Variants in LRP11 observed in about 807,000 individuals in gnomAD.
The protein encoded by LRP11 is LDL receptor related protein 11.
LRP11 carries 25 observed loss-of-function variants against 43.1 expected under a neutral mutation model. The ratio of observed to expected loss-of-function variants is 0.58; its 90% confidence interval spans 0.42 to 0.81. The LOEUF is 0.81. Ranked by LOEUF, LRP11 falls within the 30% of genes least tolerant of loss-of-function variation. The pLI is 0.00. For synonymous variants in LRP11, 316 were observed against 299.4 expected (o/e 1.06, Z -0.57); for missense variants, 623 against 665.1 (o/e 0.94, Z 0.70).
chr6:149,857,504 CAAAAA>C (rs78898379), intron 1 of LRP11, among the ~76,000 whole-genome samples: 3 of 120,862 alleles, frequency 2.5e-5, no homozygotes, highest in Admixed American at 8.9e-5. Flanking sequence ...GTCCCTGTGT[CAAAAA>C]AAAAAAAAAA....
chr6:149,826,374 G>C lies in LRP11; in HGVS notation c.1253-15C>G. 6.3e-7 allele frequency: 1 copy of C among 1,580,084 alleles called. No individual in the cohort carries two copies. Among genetic ancestry groups the C allele is most frequent in the South Asian group, 1.1e-5 (1 of 90,278 alleles). ...GGAACTACTATCTGCAGAAAAGAAA[G>C]AGAACATATATTGAAGGTGTATGCA... On this transcript the variant is annotated splice_polypyrimidine_tract_variant and intron_variant, in intron 5 of 6. Transcript: ENST00000239367.
chr6:149,828,359 A>G (rs1386828110), intron 5 of LRP11, among the ~76,000 whole-genome samples: 4 of 152,098 alleles, frequency 2.6e-5, no homozygotes, highest in Non-Finnish European at 5.9e-5. Flanking sequence ...CCAGAGTGCA[A>G]TTTTTGTGGC....
At chr6:149,823,336 A>C (rs986843329) in intron 6 of LRP11, among the ~76,000 whole-genome samples, 3 of 152,186 alleles carry the variant, frequency 2.0e-5, no homozygotes, top group African/African-American at 7.2e-5. Context: ...CACAGTCAGG[A>C]GAATGAGCCA....
At position 149,863,868 on chromosome 6, in the gene LRP11, C is replaced by T. The variant is rs1021058856; in HGVS notation, c.153G>A (p.Gln51=). 6 of 1,505,340 alleles carry T rather than the reference C, an allele frequency of 4.0e-6. No homozygotes were observed. The highest frequency in any genetic ancestry group is 5.3e-6 in the Non-Finnish European group (6 of 1,136,016). The allele number at this position is 1,505,340 out of a possible 1,614,324, so 93.2% of individuals were successfully genotyped here. A position where few individuals can be genotyped will look rare whatever the true frequency, so the allele number is the denominator to read the frequency against. The change falls in exon 1 of 7, where the codon CAG becomes CAA. Residue 51 remains glutamine (Q), a synonymous_variant. Transcript: ENST00000239367. ...PAAPLSELHA[Q]LSGVEQLLEE... is the part of the protein sequence containing the mutation. ...CCAGCAGCTGCTCCACGCCCGACAG[C>T]TGCGCGTGCAGTTCGGACAGCGGCG...
At chr6:149,829,790 T>C (rs1007047216) in intron 5 of LRP11, among the ~76,000 whole-genome samples, 2 of 151,924 alleles carry the variant, frequency 1.3e-5, no homozygotes, top group Non-Finnish European at 2.9e-5. Context: ...AGGAACTCAG[T>C]ACTGGAAACA....
Position 149,843,057 on chromosome 6 carries a change from A to G in LRP11, c.839T>C (p.Val280Ala). Residue 280 changes from valine to alanine, a missense_variant, in exon 3 of 7, where the codon GTG (valine) becomes GCG (alanine). Physicochemically the swap from Val to Ala is moderately conservative, Grantham distance 64. Coordinates refer to ENST00000239367, the MANE Select transcript of LRP11 (RefSeq NM_032832.6). ...QEGTYTFQLT[V>A]TDTAGQRSSD... is the part of the protein sequence containing the mutation. ...GCTTCTCTGCCCGGCAGTGTCCGTC[A>G]CGGTCAGCTGGAAGGTGTAGGTTCC... is the stretch of plus-strand genomic sequence containing the variant. The G allele has an allele frequency of 6.2e-7, 1 of 1,614,204 alleles. No homozygotes were observed. The highest frequency in any genetic ancestry group is 8.5e-7 in the Non-Finnish European group (1 of 1,180,038).
intron 1 of LRP11, among the ~76,000 whole-genome samples, chr6:149,861,762 TC>T (rs1446310940): frequency 6.6e-6 from 1 of 152,208 alleles, no homozygotes; most frequent in Non-Finnish European, 1.5e-5. Context: ...CTCAAGTGAT[TC>T]ACCCGCCTTG....
chr6:149,859,396 A>ATTTTTTTTT (rs1163759560), intron 1 of LRP11, among the ~76,000 whole-genome samples: 4 of 71,490 alleles, frequency 5.6e-5, no homozygotes, highest in African/African-American at 3.3e-4. Flanking sequence ...ATATATATAT[A>ATTTTTTTTT]TTTTTTTTTT....
At chr6:149,862,390 C>T (rs2115429152) in intron 1 of LRP11, among the ~76,000 whole-genome samples, 1 of 152,250 alleles carries the variant, frequency 6.6e-6, no homozygotes, top group South Asian at 2.1e-4. Context: ...CGGAGCCTGA[C>T]CACACGTGGG....
chr6:149,837,483 A>G lies in LRP11; in HGVS notation c.914-20T>C. 2 of 1,607,444 alleles carry G rather than the reference A, an allele frequency of 1.2e-6. No homozygotes were observed. Among genetic ancestry groups the G allele is most frequent in the Non-Finnish European group, 1.7e-6 (2 of 1,175,208 alleles). On this transcript the variant is annotated intron_variant, in intron 3 of 6. Coordinates refer to ENST00000239367, the MANE Select transcript of LRP11 (RefSeq NM_032832.6). The stretch of plus-strand genomic sequence containing the variant: ...AACATCCTATTTGTAAACAAATCTC[A>G]AGTCACACGAGTGCAGAAGTTCAGA...
chr6:149,843,757 C>T (rs925800829), intron 2 of LRP11, among the ~76,000 whole-genome samples: 3 of 152,152 alleles, frequency 2.0e-5, no homozygotes, highest in South Asian at 2.1e-4. Context: ...GCCACAGCCC[C>T]GCTTCCTTCC....
intron 6 of LRP11, 93 bp from the exon 7 acceptor site, chr6:149,820,796 T>C: frequency 1.5e-6 from 1 of 656,492 alleles, no homozygotes; most frequent in Non-Finnish European, 2.8e-6. Context: ...GCATGCACTA[T>C]TTTATTTAAT....
chr6:149,849,996 C>T (rs534067327), intron 2 of LRP11, among the ~76,000 whole-genome samples: 40 of 152,082 alleles, frequency 2.6e-4, no homozygotes, highest in Non-Finnish European at 2.1e-4. Flanking sequence ...TGAGAACAGA[C>T]AGCAAGGGTG....
At chr6:149,834,323 C>T (rs148367171) in intron 5 of LRP11, among the ~76,000 whole-genome samples, 15 of 152,216 alleles carry the variant, frequency 9.9e-5, no homozygotes, top group African/African-American at 2.9e-4. Context: ...CAGTGCTGGA[C>T]AGCACCTTGG....
At position 149,863,798 on chromosome 6, in the gene LRP11, G is replaced by C; in HGVS notation, c.223C>G (p.Leu75Val). The C allele has an allele frequency of 6.7e-7, 1 of 1,496,528 alleles. No homozygotes were observed. The highest frequency in any genetic ancestry group is 1.2e-5 in the South Asian group (1 of 80,098). The allele number at this position is 1,496,528 out of a possible 1,614,324, so 92.7% of individuals were successfully genotyped here. The change falls in exon 1 of 7, where the codon CTG becomes GTG. Residue 75 changes from leucine to valine, a missense_variant. By Grantham distance (32) the Leu-to-Val change is conservative. Coordinates refer to ENST00000239367, the MANE Select transcript of LRP11 (RefSeq NM_032832.6). ...QLQQERPQEE[L>V]ELELRAGGGP... ...CCGCCCGCGCGCAGCTCCAGCTCCA[G>C]CTCCTCCTGAGGCCGCTCCTGCTGC...
At chr6:149,848,677 G>C (rs1214265019) in intron 2 of LRP11, among the ~76,000 whole-genome samples, 2 of 152,016 alleles carry the variant, frequency 1.3e-5, no homozygotes, top group Non-Finnish European at 2.9e-5. Context: ...GGAGCTAAAT[G>C]AGAACACATG....
chr6:149,843,117 T>A lies in LRP11; in HGVS notation c.779A>T (p.Gln260Leu). 1.9e-6 allele frequency: 3 copies of A among 1,614,100 alleles called. No individual in the cohort carries two copies. The highest frequency in any genetic ancestry group is 1.6e-4 in the Middle Eastern group (1 of 6,062). ...GDPSVDMKVP[Q>L]SGTLKLSHLQ... is the part of the protein sequence containing the mutation. ...GTGGGACAGCTTCAGGGTTCCTGATTGAGGCACCTGCCACACAGATGGGAC... is the reference window on the plus strand; with the variant it reads ...GTGGGACAGCTTCAGGGTTCCTGATAGAGGCACCTGCCACACAGATGGGAC... The change falls in exon 3 of 7, where the codon CAA (glutamine) becomes CTA (leucine). Residue 260 changes from glutamine (Q) to leucine (L), a missense_variant. By Grantham distance (113) the Gln-to-Leu change is moderately radical. Transcript: ENST00000239367.
At chr6:149,859,396 A>ATACATATTTT in intron 1 of LRP11, among the ~76,000 whole-genome samples, 1 of 71,512 alleles carries the variant, frequency 1.4e-5, no homozygotes, top group Non-Finnish European at 2.3e-5. Context: ...ATATATATAT[A>ATACATATTTT]TTTTTTTTTT....
At chr6:149,859,396 A>ATTTTTT (rs1163759560) in intron 1 of LRP11, among the ~76,000 whole-genome samples, 12 of 71,492 alleles carry the variant, frequency 1.7e-4, no homozygotes, top group African/African-American at 4.9e-4. Flanking sequence ...ATATATATAT[A>ATTTTTT]TTTTTTTTTT....
Sources: allele counts gnomAD v4.1 joint callset (sites outside exome capture counted in the v4.1 genomes callset), GRCh38; gene constraint gnomAD v4.1.1; transcripts MANE v1.5; gene names NCBI Gene and HGNC (gene_info 2026-07-23, HGNC 2026-07-21).